The following NFATC3 variants were observed in gnomAD, a reference collection of about 807,000 sequenced individuals.
NFATC3 encodes the protein nuclear factor of activated T cells 3.
In NFATC3, 46 loss-of-function variants were observed where a neutral mutation model predicts 98.6. The ratio of observed to expected loss-of-function variants is 0.47; its 90% CI spans 0.37 to 0.60. NFATC3 has a LOEUF of 0.60. NFATC3 is among the 20% of genes least tolerant of loss of function. The pLI, the probability that NFATC3 is intolerant of heterozygous loss-of-function variation, is 0.00. For missense variants in NFATC3, 1,256 were observed against 1,295.5 expected (o/e 0.97, Z 0.47); for synonymous variants, 512 against 472.2 (o/e 1.08, Z -1.09).
rs1555522047 is a variant in NFATC3 at position 68,192,230 on chromosome 16, A to AAAAAAAAAT, written c.3106+456_3106+457insAAAAAAATA. On this transcript the variant is annotated intron_variant, in intron 9 of 9. Transcript: ENST00000346183. ...CTCGGGAAAAAAAAAAAAAAAAAAA[A>AAAAAAAAAT]ATATATATATATATATATATATATG... 1.1e-4 allele frequency: 9 copies of AAAAAAAAAT among 82,582 alleles called. 1 individual carries two copies. The highest frequency in any genetic ancestry group is 4.0e-4 in the African/African-American group (7 of 17,442). The allele number at this position is 82,582 out of a possible 1,614,324, so 5.1% of individuals were successfully genotyped here. A position where few individuals can be genotyped will look rare whatever the true frequency, so the allele number is the denominator to read the frequency against.
At chr16:68,160,464 CAAAACAA>C (rs1454477844) in intron 4 of NFATC3, among the ~76,000 whole-genome samples, 3 of 150,530 alleles carry the variant, frequency 2.0e-5, no homozygotes, top group East Asian at 3.9e-4. Context: ...GACTTAGTCT[CAAAACAA>C]AAAACAAAAA....
intron 1 of NFATC3, among the ~76,000 whole-genome samples, chr16:68,086,314 T>C (rs2034371982): frequency 6.6e-6 from 1 of 152,180 alleles, no homozygotes. Context: ...CACAATTAAT[T>C]CGAAGTGTAA....
In NFATC3 at chr16:68,121,895, ATTAT is replaced by A. The variant is rs768659852; in HGVS notation, c.104-88_104-85del. ...CCCACTTTTTTCTCTCGAGATTGTT[ATTAT>A]TTACTTTCTCATCTAGTAATTTATA... is the stretch of plus-strand genomic sequence containing the variant. On this transcript the variant is annotated intron_variant, in intron 1 of 9. Transcript: ENST00000346183. 9.6e-5 allele frequency: 135 copies of A among 1,399,554 alleles called. No homozygotes were observed. The Middle Eastern group carries it at 2.3e-3, about 23-fold the overall frequency. The allele number at this position is 1,399,554 out of a possible 1,614,324, so 86.7% of individuals were successfully genotyped here. A position where few individuals can be genotyped will look rare whatever the true frequency, so the allele number is the denominator to read the frequency against.
intron 9 of NFATC3, chr16:68,214,210 A>G: frequency 3.1e-6 from 2 of 650,778 alleles, no homozygotes; most frequent in South Asian, 4.2e-5. Flanking sequence ...GTGATTGACA[A>G]GTAAAAGACA....
chr16:68,155,630 G>C (rs921101488), intron 3 of NFATC3, among the ~76,000 whole-genome samples: 4 of 152,176 alleles, frequency 2.6e-5, no homozygotes, highest in Non-Finnish European at 4.4e-5. Flanking sequence ...GCAGAAGAGA[G>C]AGACATTCCA....
intron 3 of NFATC3, among the ~76,000 whole-genome samples, chr16:68,144,211 A>G (rs755879300): frequency 5.0e-4 from 76 of 152,354 alleles, no homozygotes; most frequent in Admixed American, 3.7e-3. Flanking sequence ...CATTAGGGAA[A>G]TGCAAATTAA....
chr16:68,139,152 G>GT (rs1450221153), intron 3 of NFATC3, among the ~76,000 whole-genome samples: 1 of 152,170 alleles, frequency 6.6e-6, no homozygotes, highest in African/African-American at 2.4e-5. Flanking sequence ...TTAGAATATA[G>GT]TAAGTGCTAT....
At chr16:68,127,254 G>A (rs1459596533) in intron 3 of NFATC3, among the ~76,000 whole-genome samples, 1 of 151,824 alleles carries the variant, frequency 6.6e-6, no homozygotes, top group African/African-American at 2.4e-5. Flanking sequence ...AAAATAGGAA[G>A]GATAAGCAAC....
chr16:68,164,247 C>G (rs553196416), intron 4 of NFATC3, among the ~76,000 whole-genome samples: 1 of 152,188 alleles, frequency 6.6e-6, no homozygotes, highest in South Asian at 2.1e-4. Context: ...CAAAAAAATA[C>G]GAAAACCAGT....
rs138972175 is a variant in NFATC3 at position 68,191,251 on chromosome 16, C to T, written c.2582C>T (p.Ser861Leu). Residue 861 changes from serine to leucine, a missense_variant, in exon 9 of 10, where the codon TCA becomes TTA. By Grantham distance (145) the Ser-to-Leu change is moderately radical. Around this residue, in one of 3 missense-constraint regions of NFATC3, gnomAD observed 636 missense variants for 617.3 expected, o/e 1.03. Transcript: ENST00000346183. ...CCATTTCATTCTTCAAATTCAGGCT[C>T]AACAGGACATCTCTTAGCCCATACA... is the stretch of plus-strand genomic sequence containing the variant. Reference protein sequence around the residue: ...SIPFHSSNSGSTGHLLAHTPH... With the variant: ...SIPFHSSNSGLTGHLLAHTPH... 1.4e-5 allele frequency: 23 copies of T among 1,614,192 alleles called. No individual in the cohort carries two copies. The highest frequency in any genetic ancestry group is 3.3e-4 in the Middle Eastern group (2 of 6,062).
chr16:68,206,681 T>C (rs1325792392), intron 9 of NFATC3, among the ~76,000 whole-genome samples: 2 of 152,216 alleles, frequency 1.3e-5, no homozygotes, highest in Admixed American at 6.6e-5. Flanking sequence ...TATCCATTCA[T>C]CTGGTGAAAA....
chr16:68,225,859 A>G (rs1220067525), intron 9 of NFATC3: 1 of 152,298 alleles, frequency 6.6e-6, no homozygotes, highest in African/African-American at 2.4e-5. Context: ...ATTAACAGAA[A>G]AGCTAGAGCC....
At chr16:68,086,139 TG>T (rs887842066) in intron 1 of NFATC3, among the ~76,000 whole-genome samples, 1 of 152,218 alleles carries the variant, frequency 6.6e-6, no homozygotes, top group African/African-American at 2.4e-5. Flanking sequence ...GTTAGCGCAC[TG>T]GGTTTTTCAT....
Position 68,142,570 on chromosome 16 carries a change from C to T in NFATC3, c.1402-15299C>T, listed in dbSNP as rs537529196. Among the ~76,000 whole-genome samples, 376 of 152,026 alleles carry T rather than the reference C, an allele frequency of 2.5e-3. 3 individuals are homozygous for T. The highest frequency in any genetic ancestry group is 2.8e-3 in the Non-Finnish European group (187 of 67,976). On this transcript the variant is annotated intron_variant, in intron 3 of 9. Coordinates refer to ENST00000346183, the MANE Select transcript of NFATC3 (RefSeq NM_173165.3). The stretch of plus-strand genomic sequence containing the variant: ...GGGAGGAGTTAGAGACCAGCCTGGC[C>T]AACATGGTGAAACCCTGTCTCTACT...
chr16:68,191,210 A>T lies in NFATC3; in HGVS notation c.2541A>T (p.Gln847His), dbSNP rs1183030890. 1.9e-6 allele frequency: 3 copies of T among 1,614,198 alleles called. No individual in the cohort carries two copies. Among genetic ancestry groups the T allele is most frequent in the Admixed American group, 1.7e-5 (1 of 60,010 alleles). ...TLSGLVNLGCQPLSSIPFHSS... is the reference protein window; with the variant it reads ...TLSGLVNLGCHPLSSIPFHSS... ...CTGGTTTAGTGAATCTTGGCTGTCA[A>T]CCACTGTCATCCATACCATTTCATT... Residue 847 changes from glutamine (Q) to histidine (H), a missense_variant, in exon 9 of 10, where the codon CAA (glutamine) becomes CAT (histidine). By Grantham distance (24) the Gln-to-His change is conservative. This residue lies in a region of NFATC3 where 636 missense variants were observed against 617.3 expected (regional missense o/e 1.03). Coordinates refer to ENST00000346183, the MANE Select transcript of NFATC3 (RefSeq NM_173165.3).
At chr16:68,117,720 A>G (rs550884025) in intron 1 of NFATC3, among the ~76,000 whole-genome samples, 2 of 152,176 alleles carry the variant, frequency 1.3e-5, no homozygotes, top group South Asian at 4.1e-4. Flanking sequence ...TTTTTGCCAC[A>G]TCGTCCAGGC....
At position 68,205,033 on chromosome 16, in the gene NFATC3, A is replaced by T. The variant is rs181100725; in HGVS notation, c.3106+13258A>T. ...TTTTAAAGACATTTCCAAAGCCTAC[A>T]GTTAGTGTCTCCATCTGGGCAAGAG... is the stretch of plus-strand genomic sequence containing the variant. On this transcript the variant is annotated intron_variant, in intron 9 of 9. Transcript: ENST00000346183. Among the ~76,000 whole-genome samples the T allele has an allele frequency of 5.0e-4, 74 of 149,386 alleles. 1 individual carries two copies. Among genetic ancestry groups the T allele is most frequent in the Middle Eastern group, 3.6e-3 (1 of 280 alleles).
At chr16:68,085,891 T>TGTGTGTGTGCGCGCGC in intron 1 of NFATC3, 107 bp downstream of exon 1, 1 of 822,516 alleles carries the variant, frequency 1.2e-6, no homozygotes, top group Middle Eastern at 2.4e-4. Flanking sequence ...TAACCCTGTG[T>TGTGTGTGTGCGCGCGC]GTGTGTGTGC....
In NFATC3 at chr16:68,100,907, G is replaced by GGGT. The variant is rs2035311317; in HGVS notation, c.103+15124_103+15125insGTG. 5.6e-4 allele frequency among the ~76,000 whole-genome samples: 80 copies of GGGT among 142,914 alleles called. 1 individual carries two copies. The highest frequency in any genetic ancestry group is 5.5e-3 in the South Asian group (25 of 4,536). 93.8% of individuals were successfully genotyped at this position (142,914 alleles called of 152,430 possible). On this transcript the variant is annotated intron_variant, in intron 1 of 9. Coordinates refer to ENST00000346183, the MANE Select transcript of NFATC3 (RefSeq NM_173165.3). Reference sequence around the variant, plus strand: ...GAGTTCTGTGTGTGTGTGTGTGTGGGGTGTGTGTGTGTGTGTGTGTGTGTG... The same window carrying GGGT: ...GAGTTCTGTGTGTGTGTGTGTGTGGGGGTGTGTGTGTGTGTGTGTGTGTGTGTG...
Sources: gnomAD v4.1 joint callset for allele counts (sites outside exome capture counted in the v4.1 genomes callset) on GRCh38, gnomAD v4.1.1 for gene constraint, gnomAD v4.1.1 regional missense constraint, MANE v1.5 for transcripts, NCBI Gene and HGNC (gene_info 2026-07-23, HGNC 2026-07-21) for gene names.